Variants in CNOT3 observed in about 807,000 individuals in gnomAD.
The protein encoded by CNOT3 is CCR4-NOT transcription complex subunit 3, also known as CCR4-associated factor 3.
In CNOT3, 2 loss-of-function variants were observed where a neutral mutation model predicts 89.4. The observed-to-expected ratio is 0.02, with a 90% CI of 0.01 to 0.07. The LOEUF is 0.07. Ranked by LOEUF, CNOT3 falls within the 10% of genes least tolerant of loss-of-function variation. The pLI, the probability that CNOT3 is intolerant of heterozygous loss-of-function variation, is 1.00. For synonymous variants in CNOT3, 486 were observed against 402.0 expected, an observed-to-expected ratio of 1.21 and a Z score of -2.50; for missense variants, 664 against 1,010.2, an observed-to-expected ratio of 0.66 and a Z score of 4.65.
In CNOT3 at chr19:54,155,415, C is replaced by T; in HGVS notation, c.*8C>T. On this transcript the variant is annotated 3_prime_UTR_variant, in exon 18 of 18. Transcript: ENST00000221232. ...GACCGGGACCTCCAGTGACACCGGC[C>T]CCTCCCTCTACCCACCCCCTTCCCC... 1 of 1,567,484 alleles carries T rather than the reference C, an allele frequency of 6.4e-7. No individual in the cohort carries two copies. Among genetic ancestry groups the T allele is most frequent in the Non-Finnish European group, 8.7e-7 (1 of 1,147,348 alleles).
At position 54,140,130 on chromosome 19, in the gene CNOT3, C is replaced by T. The variant is rs143501483; in HGVS notation, c.-51+2137C>T. ...GGCTGACCTCCTGCCCCTCCCTCCT[C>T]GAGTCTTTGTGTGGTGGTATCATCT... On this transcript the variant is annotated intron_variant, in intron 1 of 17. Transcript: ENST00000221232. Among the ~76,000 whole-genome samples, 47 of 152,240 alleles carry T rather than the reference C, an allele frequency of 3.1e-4. 1 individual carries two copies. Among genetic ancestry groups the T allele is most frequent in the Middle Eastern group, 3.4e-3 (1 of 294 alleles).
In CNOT3 at chr19:54,155,617, G is replaced by C; in HGVS notation, c.*210G>C. 1 of 1,251,588 alleles carries C rather than the reference G, an allele frequency of 8.0e-7. No individual in the cohort carries two copies. Among genetic ancestry groups the C allele is most frequent in the Non-Finnish European group, 1.1e-6 (1 of 904,854 alleles). The allele number at this position is 1,251,588 out of a possible 1,614,324, so 77.5% of individuals were successfully genotyped here. ...TGCCCCCTCCTCCCCTCCCCAGTGA[G>C]GGACATTTTTTGGTAAACCTATTTT... On this transcript the variant is annotated 3_prime_UTR_variant, in exon 18 of 18. Coordinates refer to ENST00000221232, the MANE Select transcript of CNOT3 (RefSeq NM_014516.4).
In CNOT3 at chr19:54,143,192, G is replaced by A. The variant is rs2074522207; in HGVS notation, c.93+6G>A. On this transcript the variant is annotated splice_donor_region_variant and intron_variant, in intron 3 of 17. Transcript: ENST00000221232. ...TTGAAGATATTTGGCAGAAGGTACA[G>A]GGGCTGAGACCCTAATAATCTGGGT... is the stretch of plus-strand genomic sequence containing the variant. 6.2e-7 allele frequency: 1 copy of A among 1,612,392 alleles called. No homozygotes were observed. Among genetic ancestry groups the A allele is most frequent in the Non-Finnish European group, 8.5e-7 (1 of 1,178,736 alleles).
chr19:54,140,763 T>G (rs1166598338), intron 1 of CNOT3, among the ~76,000 whole-genome samples: 3 of 152,072 alleles, frequency 2.0e-5, no homozygotes, highest in African/African-American at 7.2e-5. Flanking sequence ...GGGTTAGCGC[T>G]CTTGTTCCCC....
At chr19:54,140,575 A>T (rs2074408618) in intron 1 of CNOT3, among the ~76,000 whole-genome samples, 1 of 151,678 alleles carries the variant, frequency 6.6e-6, no homozygotes, top group Non-Finnish European at 1.5e-5. Context: ...TGATATAGGG[A>T]TTTTCTTAGC....
At position 54,143,119 on chromosome 19, in the gene CNOT3, G is replaced by C. The variant is rs1230792749; in HGVS notation, c.26G>C (p.Gly9Ala). Reference protein sequence around the residue: MADKRKLQGEIDRCLKKVS... With the variant: MADKRKLQAEIDRCLKKVS... ...CACAGCCTTGTTCCTCCCTGGCCAG[G>C]TGAGATTGATCGCTGCCTCAAGAAG... The change falls in exon 3 of 18, where the codon GGT becomes GCT. Residue 9 changes from glycine (G) to alanine (A), a missense_variant and splice_region_variant. Transcript: ENST00000221232. The C allele has an allele frequency of 1.9e-6, 3 of 1,613,902 alleles. No individual in the cohort carries two copies. Among genetic ancestry groups the C allele is most frequent in the Non-Finnish European group, 1.7e-6 (2 of 1,180,000 alleles).
intron 13 of CNOT3, among the ~76,000 whole-genome samples, chr19:54,151,151 A>T (rs587651523): frequency 6.6e-6 from 1 of 152,282 alleles, no homozygotes; most frequent in East Asian, 1.9e-4. Flanking sequence ...GGAAAAAGGG[A>T]AACAGCAGCT....
chr19:54,147,158 A>G (rs1333898215), intron 10 of CNOT3, among the ~76,000 whole-genome samples: 1 of 152,194 alleles, frequency 6.6e-6, no homozygotes, highest in Non-Finnish European at 1.5e-5. Flanking sequence ...ACACACTGCA[A>G]ATTTCTGAGA....
intron 1 of CNOT3, 138 bp from the exon 2 acceptor site, chr19:54,142,791 G>T: frequency 1.5e-6 from 1 of 649,170 alleles, no homozygotes; most frequent in East Asian, 2.7e-5. Context: ...GGAGAACTGG[G>T]GCTGGTCTCT....
chr19:54,155,154 C>T (rs2075342677), intron 17 of CNOT3, 155 bp from the exon 18 acceptor site: 1 of 760,314 alleles, frequency 1.3e-6, no homozygotes, highest in African/African-American at 1.8e-5. Context: ...CAAGAAGAAC[C>T]TTGTGAGGAT....
intron 3 of CNOT3, 103 bp downstream of exon 3, chr19:54,143,289 C>A: frequency 1.7e-6 from 2 of 1,174,772 alleles, no homozygotes; most frequent in Non-Finnish European, 2.5e-6. Flanking sequence ...GCTACATATG[C>A]AGATGCTGAG....
intron 17 of CNOT3, chr19:54,154,058 G>A (rs1366199398): frequency 4.1e-6 from 3 of 724,328 alleles, no homozygotes; most frequent in Non-Finnish European, 5.1e-6. Context: ...GTAGGTCTCA[G>A]CCCAAATGTC....
At chr19:54,140,725 A>G (rs1229431772) in intron 1 of CNOT3, among the ~76,000 whole-genome samples, 1 of 151,944 alleles carries the variant, frequency 6.6e-6, no homozygotes, top group Non-Finnish European at 1.5e-5. Flanking sequence ...TCGATGTCAC[A>G]CTGTTCTGTC....
intron 4 of CNOT3, 44 bp downstream of exon 4, chr19:54,143,560 G>A (rs1488894707): frequency 1.9e-6 from 3 of 1,609,766 alleles, no homozygotes; most frequent in African/African-American, 2.7e-5. Context: ...TGAGGGTAGA[G>A]GGAACTGGGA....
intron 2 of CNOT3, 48 bp downstream of exon 2, chr19:54,143,051 C>T (rs2074517195): frequency 6.2e-7 from 1 of 1,613,098 alleles, no homozygotes; most frequent in Non-Finnish European, 8.5e-7. Context: ...GCTCCCTCTT[C>T]TGAGGACTGC....
intron 1 of CNOT3, among the ~76,000 whole-genome samples, chr19:54,138,259 C>CCCGCCG (rs1290973216): frequency 6.6e-6 from 1 of 152,102 alleles, no homozygotes; most frequent in Admixed American, 6.5e-5. Context: ...CCGGGCCCCG[C>CCCGCCG]CCGCCGCCGC....
chr19:54,144,320 G>A lies in CNOT3; in HGVS notation c.471G>A (p.Lys157=), dbSNP rs377302032. 4 of 1,613,544 alleles carry A rather than the reference G, an allele frequency of 2.5e-6. No homozygotes were observed. The African/African-American group carries it at 4.0e-5, about 16-fold the overall frequency. The change falls in exon 7 of 18, where the codon AAG becomes AAA. Residue 157 remains lysine (K), a synonymous_variant. Coordinates refer to ENST00000221232, the MANE Select transcript of CNOT3 (RefSeq NM_014516.4). This position sits in a 1 kb window ranked among gnomAD's most constrained non-coding sequence, Gnocchi z 4.8. ...TGTCAGTGCAGACACGCAAGAAGAA[G>A]GGCGACAAGGATGTGAGTGAGGGAG... ...ESLSVQTRKK[K]GDKDKQDRIE...
intron 1 of CNOT3, among the ~76,000 whole-genome samples, chr19:54,139,266 C>G (rs115795865): frequency 1.4e-3 from 206 of 152,264 alleles, no homozygotes; most frequent in African/African-American, 4.8e-3. Context: ...ACACCAGTCT[C>G]CTCCTTTAGG....
intron 1 of CNOT3, among the ~76,000 whole-genome samples, chr19:54,139,029 C>T (rs2074341495): frequency 6.6e-6 from 1 of 152,204 alleles, no homozygotes; most frequent in South Asian, 2.1e-4. Context: ...CTGCTGGGAT[C>T]CCCTGGCGCT....
Sources: gnomAD v4.1 joint callset for allele counts (sites outside exome capture counted in the v4.1 genomes callset) on GRCh38, gnomAD v4.1.1 for gene constraint, Gnocchi (gnomAD v3.1) non-coding constraint, MANE v1.5 for transcripts, NCBI Gene and HGNC (gene_info 2026-07-23, HGNC 2026-07-21) for gene names.